DIAPH3: variants seen among roughly 807,000 people sequenced by gnomAD.
DIAPH3 encodes protein diaphanous homolog 3.
Under a neutral mutation model 144.3 loss-of-function variants are expected in DIAPH3, and 117 were observed. That is an observed-to-expected ratio of 0.81 (90% CI 0.70 to 0.95). The LOEUF (loss-of-function observed/expected upper bound fraction) is 0.95, where lower values mean the gene tolerates loss of function less well. Among genes scored for constraint, DIAPH3 ranks in the 40% least tolerant of loss-of-function variants. DIAPH3 has a pLI of 0.00. For missense variants in DIAPH3, 1,421 were observed against 1,412.7 expected (o/e 1.01, Z -0.09); for synonymous variants, 519 against 488.9 (o/e 1.06, Z -0.81).
At chr13:59,924,184 T>C (rs2047649571) in intron 18 of DIAPH3, among the ~76,000 whole-genome samples, 1 of 152,174 alleles carries the variant, frequency 6.6e-6, no homozygotes, top group Non-Finnish European at 1.5e-5. Context: ...GCAAAACTAT[T>C]TGCCTTCTTC....
chr13:59,722,808 A>G (rs2035409869), intron 27 of DIAPH3, among the ~76,000 whole-genome samples: 1 of 152,106 alleles, frequency 6.6e-6, no homozygotes, highest in Admixed American at 6.5e-5. Flanking sequence ...TAGAGCGGGG[A>G]GCAAATGCCA....
intron 22 of DIAPH3, among the ~76,000 whole-genome samples, chr13:59,841,064 A>G (rs2042316208): frequency 1.3e-5 from 2 of 152,030 alleles, no homozygotes; most frequent in African/African-American, 4.8e-5. Flanking sequence ...CCAAGATTCT[A>G]TTTGATTAGG....
chr13:59,860,865 T>C (rs796160640), intron 22 of DIAPH3, among the ~76,000 whole-genome samples: 16 of 152,358 alleles, frequency 1.1e-4, no homozygotes, highest in African/African-American at 3.8e-4. Flanking sequence ...CTTTATGACC[T>C]GATCTAAGCC....
At chr13:59,760,660 A>G (rs924989509) in intron 27 of DIAPH3, among the ~76,000 whole-genome samples, 1 of 152,346 alleles carries the variant, frequency 6.6e-6, no homozygotes, top group African/African-American at 2.4e-5. Flanking sequence ...GAAGGTATGC[A>G]AATATAATAG....
intron 4 of DIAPH3, among the ~76,000 whole-genome samples, chr13:60,054,269 G>C (rs908974952): frequency 1.3e-5 from 2 of 151,950 alleles, no homozygotes; most frequent in African/African-American, 2.4e-5. Flanking sequence ...AGAACTGTAA[G>C]AATAGTTTGA....
chr13:60,029,916 C>T (rs578019771), intron 5 of DIAPH3, among the ~76,000 whole-genome samples: 3 of 152,214 alleles, frequency 2.0e-5, no homozygotes, highest in Non-Finnish European at 2.9e-5. Context: ...CATGACCTTC[C>T]GCATGGCCTG....
intron 4 of DIAPH3, among the ~76,000 whole-genome samples, chr13:60,059,020 TA>T (rs944112117): frequency 8.6e-5 from 13 of 151,906 alleles, no homozygotes; most frequent in African/African-American, 3.1e-4. Flanking sequence ...GCTGTTGAAA[TA>T]AAATTAAAAT....
At chr13:60,005,282 A>T (rs1276712791) in intron 9 of DIAPH3, among the ~76,000 whole-genome samples, 2 of 152,214 alleles carry the variant, frequency 1.3e-5, no homozygotes, top group Non-Finnish European at 2.9e-5. Flanking sequence ...GATTACATTT[A>T]CGTGAAATGT....
intron 4 of DIAPH3, among the ~76,000 whole-genome samples, chr13:60,063,775 C>T (rs1594556060): frequency 6.6e-6 from 1 of 151,894 alleles, no homozygotes; most frequent in African/African-American, 2.4e-5. Context: ...AAAAAATACA[C>T]AAAATTAGCC....
chr13:59,826,442 G>T (rs978634424), intron 24 of DIAPH3, among the ~76,000 whole-genome samples: 3 of 150,904 alleles, frequency 2.0e-5, no homozygotes, highest in South Asian at 2.1e-4. Context: ...TTGCTTCAAA[G>T]AGAATAAAAT....
At chr13:60,040,009 G>A (rs371195871) in intron 5 of DIAPH3, among the ~76,000 whole-genome samples, 9 of 151,930 alleles carry the variant, frequency 5.9e-5, no homozygotes, top group African/African-American at 1.9e-4. Context: ...GCCAAGGCAC[G>A]TGGATCATTA....
intron 23 of DIAPH3, chr13:59,839,119 C>T (rs576781298): frequency 2.1e-6 from 1 of 485,576 alleles, no homozygotes; most frequent in East Asian, 4.3e-5. Context: ...AATAAATAAA[C>T]AAACAGACAG....
intron 20 of DIAPH3, among the ~76,000 whole-genome samples, chr13:59,905,520 C>A (rs1223770576): frequency 1.3e-5 from 2 of 152,042 alleles, no homozygotes; most frequent in East Asian, 3.9e-4. Context: ...CAGAACAATA[C>A]AATGTAGGTA....
chr13:59,758,193 A>G (rs1171863625), intron 27 of DIAPH3, among the ~76,000 whole-genome samples: 1 of 152,214 alleles, frequency 6.6e-6, no homozygotes, highest in African/African-American at 2.4e-5. Flanking sequence ...ATATCCAACA[A>G]AACAGCAATT....
chr13:59,751,779 C>A (rs1373934880), intron 27 of DIAPH3, among the ~76,000 whole-genome samples: 6 of 152,190 alleles, frequency 3.9e-5, no homozygotes, highest in Non-Finnish European at 8.8e-5. Context: ...CTGAAAACAT[C>A]TTGAAATTGG....
intron 27 of DIAPH3, among the ~76,000 whole-genome samples, chr13:59,704,036 C>T (rs556283683): frequency 1.9e-4 from 29 of 152,194 alleles, no homozygotes; most frequent in Non-Finnish European, 3.8e-4. Context: ...AGGGCACAGG[C>T]CTCCAGGGTT....
At chr13:60,136,110 T>G (rs899512721) in intron 1 of DIAPH3, among the ~76,000 whole-genome samples, 6 of 152,176 alleles carry the variant, frequency 3.9e-5, no homozygotes, top group African/African-American at 1.4e-4. Flanking sequence ...AATGACTAAC[T>G]AAATCCTCAG....
At chr13:59,727,301 A>AC (rs1482364969) in intron 27 of DIAPH3, among the ~76,000 whole-genome samples, 6 of 151,832 alleles carry the variant, frequency 4.0e-5, no homozygotes, top group South Asian at 2.1e-4. Flanking sequence ...GCAAAAAAAA[A>AC]ACAATTGTTT....
intron 24 of DIAPH3, among the ~76,000 whole-genome samples, chr13:59,821,859 C>T (rs550696062): frequency 1.3e-5 from 2 of 152,248 alleles, no homozygotes; most frequent in Non-Finnish European, 1.5e-5. Flanking sequence ...ATTAGTTGAA[C>T]TTTTTATGAC....
Sources: allele counts gnomAD v4.1 joint callset (sites outside exome capture counted in the v4.1 genomes callset), GRCh38; gene constraint gnomAD v4.1.1; transcripts MANE v1.5; gene names NCBI Gene and HGNC (gene_info 2026-07-23, HGNC 2026-07-21).